Variants in ATRNL1 observed in about 807,000 individuals in gnomAD.
ATRNL1 encodes the protein attractin-like protein 1.
ATRNL1 carries 95 observed loss-of-function variants against 182.7 expected under a neutral mutation model. The observed-to-expected ratio is 0.52, with a 90% CI of 0.44 to 0.62. The LOEUF is 0.62. Ranked by LOEUF, ATRNL1 falls within the 20% of genes least tolerant of loss-of-function variation. The pLI, the probability that ATRNL1 is intolerant of heterozygous loss-of-function variation, is 0.00. For synonymous variants in ATRNL1, 576 were observed against 568.3 expected (o/e 1.01, Z -0.19); for missense variants, 1,471 against 1,679.5 (o/e 0.88, Z 2.17).
At chr10:115,199,984 C>T (rs1213367919) in intron 8 of ATRNL1, among the ~76,000 whole-genome samples, 1 of 151,872 alleles carries the variant, frequency 6.6e-6, no homozygotes, top group African/African-American at 2.4e-5. Context: ...GAGAGGGCAC[C>T]ATCAGGGAGG....
At chr10:115,938,896 G>A (rs1555123509) in intron 28 of ATRNL1, among the ~76,000 whole-genome samples, 1 of 152,154 alleles carries the variant, frequency 6.6e-6, no homozygotes, top group Non-Finnish European at 1.5e-5. Flanking sequence ...AGGGTACAAA[G>A]TTTCAGTTAG....
intron 26 of ATRNL1, among the ~76,000 whole-genome samples, chr10:115,603,354 T>A (rs1229944558): frequency 6.6e-6 from 1 of 151,986 alleles, no homozygotes; most frequent in Admixed American, 6.6e-5. Context: ...ATTTAGGGGC[T>A]TTACATTAAG....
intron 19 of ATRNL1, among the ~76,000 whole-genome samples, chr10:115,387,928 T>A (rs1843752108): frequency 6.6e-6 from 1 of 152,194 alleles, no homozygotes; most frequent in Non-Finnish European, 1.5e-5. Flanking sequence ...ATCGTCATCA[T>A]CACTTTTGAA....
intron 26 of ATRNL1, among the ~76,000 whole-genome samples, chr10:115,580,468 A>G (rs1481288588): frequency 6.6e-6 from 1 of 152,074 alleles, no homozygotes; most frequent in Non-Finnish European, 1.5e-5. Flanking sequence ...TGATAGTCTG[A>G]TGGCATTTCC....
At chr10:115,560,170 TAAC>T (rs1484638900) in intron 26 of ATRNL1, among the ~76,000 whole-genome samples, 2 of 152,086 alleles carry the variant, frequency 1.3e-5, no homozygotes, top group Non-Finnish European at 2.9e-5. Context: ...GGAACAAACT[TAAC>T]AAAAGCAGTA....
chr10:115,821,302 A>G (rs568039622), intron 27 of ATRNL1, among the ~76,000 whole-genome samples: 29 of 152,270 alleles, frequency 1.9e-4, no homozygotes, highest in African/African-American at 6.5e-4. Context: ...TCCTGTCATT[A>G]TGATGCTAGC....
intron 5 of ATRNL1, among the ~76,000 whole-genome samples, chr10:115,134,510 CA>C (rs1266353854): frequency 2.0e-5 from 3 of 152,084 alleles, no homozygotes; most frequent in African/African-American, 7.2e-5. Flanking sequence ...CTGAATAGAC[CA>C]AAAACAGGCT....
chr10:115,636,082 A>G (rs2133843465), intron 26 of ATRNL1, among the ~76,000 whole-genome samples: 1 of 152,284 alleles, frequency 6.6e-6, no homozygotes, highest in Admixed American at 6.5e-5. Context: ...TTACACAGAT[A>G]TGTTCAATTT....
At chr10:115,939,455 G>T (rs1308422612) in intron 28 of ATRNL1, among the ~76,000 whole-genome samples, 2 of 152,144 alleles carry the variant, frequency 1.3e-5, no homozygotes, top group African/African-American at 4.8e-5. Context: ...AGAACTAAAA[G>T]TACAAAAAGG....
In ATRNL1 at chr10:115,384,933, G is replaced by A. The variant is rs549273403; in HGVS notation, c.3176-9726G>A. Among the ~76,000 whole-genome samples the A allele has an allele frequency of 1.4e-4, 21 of 149,222 alleles. No homozygotes were observed. The East Asian group carries it at 1.6e-3, about 11-fold the overall frequency. On this transcript the variant is annotated intron_variant, in intron 19 of 28. Transcript: ENST00000355044. ...TTCCATCACACCTGGTTTTTTTCTA[G>A]TTTGTAAGGAGCAATATTATTTGTT...
At chr10:115,837,466 CCACA>C (rs71010052) in intron 27 of ATRNL1, among the ~76,000 whole-genome samples, 2,185 of 134,772 alleles carry the variant, frequency 0.016, 27 homozygotes, top group African/African-American at 0.029. Context: ...GCTTCCCAAG[CCACA>C]CACACACACA....
intron 20 of ATRNL1, among the ~76,000 whole-genome samples, chr10:115,424,740 G>C (rs1379822630): frequency 2.6e-5 from 4 of 152,092 alleles, no homozygotes; most frequent in African/African-American, 4.8e-5. Flanking sequence ...TACAAGTTGA[G>C]AGTAGAATTG....
chr10:115,591,331 A>G (rs12771559), intron 26 of ATRNL1, among the ~76,000 whole-genome samples: 24,825 of 152,088 alleles, frequency 0.16, 2,522 homozygotes, highest in South Asian at 0.24. Context: ...AGTTACTCCA[A>G]AATTATGAAT....
At chr10:115,212,223 A>G (rs1300731532) in intron 8 of ATRNL1, among the ~76,000 whole-genome samples, 4 of 151,362 alleles carry the variant, frequency 2.6e-5, no homozygotes, top group African/African-American at 9.7e-5. Flanking sequence ...CAAGTTTAAC[A>G]ATTCTTTCCT....
chr10:115,861,788 T>G (rs1951322216), intron 28 of ATRNL1, among the ~76,000 whole-genome samples: 1 of 152,142 alleles, frequency 6.6e-6, no homozygotes, highest in Non-Finnish European at 1.5e-5. Flanking sequence ...TTGATCATTT[T>G]TAACACCATT....
intron 28 of ATRNL1, among the ~76,000 whole-genome samples, chr10:115,858,339 C>T (rs2134384748): frequency 6.6e-6 from 1 of 152,280 alleles, no homozygotes; most frequent in East Asian, 1.9e-4. Flanking sequence ...TATATATACA[C>T]CATGGAGTAC....
intron 19 of ATRNL1, among the ~76,000 whole-genome samples, chr10:115,370,571 T>A (rs1857340866): frequency 6.6e-6 from 1 of 152,142 alleles, no homozygotes; most frequent in South Asian, 2.1e-4. Flanking sequence ...GCCCTAGAGA[T>A]TTGTGGAACT....
At chr10:115,381,860 G>A (rs572891638) in intron 19 of ATRNL1, among the ~76,000 whole-genome samples, 84 of 151,938 alleles carry the variant, frequency 5.5e-4, no homozygotes, top group African/African-American at 2.0e-3. Context: ...TGTATTTTGA[G>A]TGATGTTTAG....
chr10:115,170,758 CAATT>C (rs1309536571), intron 7 of ATRNL1, among the ~76,000 whole-genome samples: 1 of 151,950 alleles, frequency 6.6e-6, no homozygotes, highest in African/African-American at 2.4e-5. Context: ...TACTGTATGA[CAATT>C]AAAAGTATAC....
Sources: gnomAD v4.1 joint callset for allele counts (sites outside exome capture counted in the v4.1 genomes callset) on GRCh38, gnomAD v4.1.1 for gene constraint, MANE v1.5 for transcripts, NCBI Gene and HGNC (gene_info 2026-07-23, HGNC 2026-07-21) for gene names.